The following GNG2 variants were observed in gnomAD, a reference collection of about 807,000 sequenced individuals.
GNG2 encodes the protein guanine nucleotide-binding protein G(I)/G(S)/G(O) subunit gamma-2.
Under a neutral mutation model 5.5 loss-of-function variants are expected in GNG2, and 5 were observed. The observed-to-expected ratio is 0.91, with a 90% CI of 0.48 to 1.92. The LOEUF is 1.92. Ranked by LOEUF, GNG2 falls within the 30% of genes most tolerant of loss-of-function variation. The probability of loss-of-function intolerance (pLI) is 0.01; values close to 1 mark genes in which losing one functional copy is unlikely to be tolerated. For synonymous variants in GNG2, 28 were observed against 32.0 expected (o/e 0.88, Z 0.42); for missense variants, 55 against 88.4 (o/e 0.62, Z 1.52).
chr14:51,951,699 G>A (rs1183500815), intron 3 of GNG2, among the ~76,000 whole-genome samples: 2 of 152,148 alleles, frequency 1.3e-5, no homozygotes, highest in African/African-American at 4.8e-5. Context: ...GTCTGACAGG[G>A]TCAATAAAAT....
chr14:51,831,939 A>G (rs1454028476), intron 2 of GNG2, among the ~76,000 whole-genome samples: 1 of 152,204 alleles, frequency 6.6e-6, no homozygotes, highest in African/African-American at 2.4e-5. Flanking sequence ...GAGAATTCCT[A>G]TACAAATACA....
At chr14:51,926,466 G>T (rs1247341721) in intron 2 of GNG2, among the ~76,000 whole-genome samples, 1 of 152,196 alleles carries the variant, frequency 6.6e-6, no homozygotes, top group Non-Finnish European at 1.5e-5. Flanking sequence ...TCAGGAGTCA[G>T]AGTAGGAAGG....
Position 51,941,432 on chromosome 14 carries a change from A to G in GNG2, c.-29-9218A>G, listed in dbSNP as rs565470828. Among the ~76,000 whole-genome samples, 16 of 152,350 alleles carry G rather than the reference A, an allele frequency of 1.1e-4. No individual in the cohort carries two copies. The South Asian group carries it at 2.3e-3, about 22-fold the overall frequency. ...AGACAGAAAAATTGTTTTATTGCCA[A>G]TGTAATCCTAACTTGTAAATACACA... is the stretch of plus-strand genomic sequence containing the variant. On this transcript the variant is annotated intron_variant, in intron 2 of 3. Coordinates refer to ENST00000556766, the MANE Select transcript of GNG2 (RefSeq NM_053064.5).
intron 3 of GNG2, chr14:51,951,848 C>T: frequency 1.4e-6 from 1 of 700,922 alleles, no homozygotes; most frequent in South Asian, 1.5e-5. Context: ...GACCATATGG[C>T]CCACAAAGCT....
intron 3 of GNG2, among the ~76,000 whole-genome samples, chr14:51,952,344 G>A (rs1382825719): frequency 1.3e-5 from 2 of 152,132 alleles, no homozygotes; most frequent in Non-Finnish European, 2.9e-5. Flanking sequence ...ACCTTACCGT[G>A]CTCCTTTGCC....
exon 2 of GNG2, chr14:51,827,725 G>C (rs2140068021): frequency 1.4e-6 from 1 of 702,270 alleles, no homozygotes; most frequent in East Asian, 2.7e-5. Flanking sequence ...AGCCCAACCT[G>C]TGCCTCTGGT....
At chr14:51,836,051 G>A (rs1440773211) in intron 2 of GNG2, among the ~76,000 whole-genome samples, 2 of 151,460 alleles carry the variant, frequency 1.3e-5, no homozygotes, top group Non-Finnish European at 2.9e-5. Context: ...CTAGTATCAT[G>A]GCACTGGCAG....
chr14:51,931,291 A>G (rs1887645361), intron 2 of GNG2, among the ~76,000 whole-genome samples: 1 of 152,178 alleles, frequency 6.6e-6, no homozygotes, highest in Non-Finnish European at 1.5e-5. Flanking sequence ...AAGACTGTCA[A>G]AGTTTTTAAT....
intron 2 of GNG2, among the ~76,000 whole-genome samples, chr14:51,944,982 G>T (rs1332655574): frequency 6.6e-6 from 1 of 151,986 alleles, no homozygotes; most frequent in African/African-American, 2.4e-5. Context: ...AGTTGAATAG[G>T]TATCTCCGCA....
chr14:51,830,773 C>T (rs1881165704), intron 2 of GNG2, among the ~76,000 whole-genome samples: 1 of 152,200 alleles, frequency 6.6e-6, no homozygotes. Context: ...TTGCTTTCAT[C>T]ATTGTCCCCA....
chr14:51,829,993 C>T (rs190353533), intron 2 of GNG2, among the ~76,000 whole-genome samples: 1 of 152,178 alleles, frequency 6.6e-6, no homozygotes, highest in Non-Finnish European at 1.5e-5. Flanking sequence ...CAGGCGTGCA[C>T]CACCATGCCT....
intron 2 of GNG2, among the ~76,000 whole-genome samples, 191 bp from the exon 3 acceptor site, chr14:51,950,459 G>T (rs1888906833): frequency 6.6e-6 from 1 of 152,170 alleles, no homozygotes; most frequent in African/African-American, 2.4e-5. Flanking sequence ...GAAGTAGGGA[G>T]AATTGGAAAA....
At chr14:51,827,893 T>C in intron 2 of GNG2, 1 of 611,380 alleles carries the variant, frequency 1.6e-6, no homozygotes, top group South Asian at 1.9e-5. Context: ...GTGGAAAGAG[T>C]AAAGAGCTTG....
chr14:51,896,911 T>G (rs1349696703), intron 2 of GNG2, among the ~76,000 whole-genome samples: 1 of 152,224 alleles, frequency 6.6e-6, no homozygotes, highest in East Asian at 1.9e-4. Flanking sequence ...AATGTGTCAT[T>G]ATTGAACATA....
chr14:51,840,729 C>T (rs1881460852), intron 2 of GNG2, among the ~76,000 whole-genome samples: 2 of 152,326 alleles, frequency 1.3e-5, no homozygotes, highest in Non-Finnish European at 2.9e-5. Context: ...GCAACCAGGA[C>T]AGTAGCCAGA....
chr14:51,949,975 A>G (rs1047209597), intron 2 of GNG2, among the ~76,000 whole-genome samples: 1 of 152,208 alleles, frequency 6.6e-6, no homozygotes, highest in Non-Finnish European at 1.5e-5. Context: ...CCTGGCCTCA[A>G]GGGATCCTCC....
At chr14:51,954,806 G>C (rs1427201318) in intron 3 of GNG2, among the ~76,000 whole-genome samples, 4 of 152,142 alleles carry the variant, frequency 2.6e-5, no homozygotes, top group Non-Finnish European at 5.9e-5. Flanking sequence ...ACAACTCATA[G>C]TTCCAGCTCC....
At chr14:51,951,955 G>A (rs1889002460) in intron 3 of GNG2, 1 of 696,400 alleles carries the variant, frequency 1.4e-6, no homozygotes, top group South Asian at 1.5e-5. Context: ...CACCCAGAGA[G>A]CTCTATAAAA....
chr14:51,967,668 G>A lies in GNG2; in HGVS notation c.*981G>A, dbSNP rs919452991. ...TTCAATACGTTTTCCAGAATCCAAA[G>A]CATTTTGGTTTATCCAGGACCCAGG... On this transcript the variant is annotated 3_prime_UTR_variant, in exon 4 of 4. Coordinates refer to ENST00000556766, the MANE Select transcript of GNG2 (RefSeq NM_053064.5). 2.0e-5 allele frequency: 3 copies of A among 152,016 alleles called. No homozygotes were observed. The highest frequency in any genetic ancestry group is 7.3e-5 in the African/African-American group (3 of 41,356). The allele number at this position is 152,016 out of a possible 1,614,324, so 9.4% of individuals were successfully genotyped here.
Sources: allele counts gnomAD v4.1 joint callset (sites outside exome capture counted in the v4.1 genomes callset), GRCh38; gene constraint gnomAD v4.1.1; transcripts MANE v1.5; gene names NCBI Gene and HGNC (gene_info 2026-07-23, HGNC 2026-07-21).